The following PLXDC2 variants were observed in gnomAD, a reference collection of about 807,000 sequenced individuals.
The protein encoded by PLXDC2 is plexin domain containing 2, also known as plexin domain-containing protein 2.
In PLXDC2, 40 loss-of-function variants were observed where a neutral mutation model predicts 68.9. The ratio of observed to expected loss-of-function variants is 0.58; its 90% confidence interval spans 0.45 to 0.76. The LOEUF (loss-of-function observed/expected upper bound fraction) is 0.76, where lower values mean the gene tolerates loss of function less well. Among genes scored for constraint, PLXDC2 ranks in the 30% least tolerant of loss-of-function variants. PLXDC2 has a pLI of 0.00. For missense variants in PLXDC2, 644 were observed against 661.9 expected (o/e 0.97, Z 0.30); for synonymous variants, 243 against 234.2 (o/e 1.04, Z -0.34).
chr10:20,137,259 A>G (rs1009901875), intron 4 of PLXDC2, among the ~76,000 whole-genome samples: 6 of 152,316 alleles, frequency 3.9e-5, no homozygotes, highest in Middle Eastern at 3.4e-3. Flanking sequence ...CAAACTTTTA[A>G]GCATTCGTCT....
chr10:20,063,526 G>C (rs1836141241), intron 3 of PLXDC2, among the ~76,000 whole-genome samples: 1 of 152,120 alleles, frequency 6.6e-6, no homozygotes, highest in South Asian at 2.1e-4. Flanking sequence ...CAATACCACT[G>C]AGAAATAGGC....
intron 3 of PLXDC2, among the ~76,000 whole-genome samples, chr10:20,063,694 A>G (rs1836144743): frequency 6.6e-6 from 1 of 152,210 alleles, no homozygotes; most frequent in Admixed American, 6.5e-5. Flanking sequence ...ACACTCAGAA[A>G]TCTAGGAGTA....
chr10:19,827,408 T>C (rs191794201), intron 1 of PLXDC2, among the ~76,000 whole-genome samples: 4 of 152,208 alleles, frequency 2.6e-5, no homozygotes, highest in African/African-American at 9.6e-5. Context: ...TGCTACAAAC[T>C]CTTGGGCTTT....
At chr10:20,054,424 G>A (rs1207152393) in intron 3 of PLXDC2, among the ~76,000 whole-genome samples, 1 of 151,966 alleles carries the variant, frequency 6.6e-6, no homozygotes, top group African/African-American at 2.4e-5. Context: ...TGGATGGACA[G>A]ATGGATGGAT....
chr10:20,230,693 C>CAAAAAAAAATAAA (rs1835350053), intron 12 of PLXDC2, among the ~76,000 whole-genome samples: 1 of 37,802 alleles, frequency 2.6e-5, no homozygotes, highest in Non-Finnish European at 5.0e-5. Flanking sequence ...GACCTTGTCT[C>CAAAAAAAAATAAA]AAAAAAAAAA....
intron 1 of PLXDC2, among the ~76,000 whole-genome samples, chr10:19,828,748 A>C (rs1275499537): frequency 6.6e-6 from 1 of 152,104 alleles, no homozygotes; most frequent in African/African-American, 2.4e-5. Context: ...GAAAATAGGC[A>C]TGGCCAATAA....
At chr10:19,929,635 C>T (rs978904220) in intron 1 of PLXDC2, among the ~76,000 whole-genome samples, 2 of 152,122 alleles carry the variant, frequency 1.3e-5, no homozygotes, top group Non-Finnish European at 2.9e-5. Flanking sequence ...TTTTTTCTCT[C>T]TTGTACAGGA....
intron 1 of PLXDC2, among the ~76,000 whole-genome samples, chr10:19,861,111 T>G (rs1363263409): frequency 6.6e-6 from 1 of 151,844 alleles, no homozygotes; most frequent in Non-Finnish European, 1.5e-5. Context: ...CTCGGCTCAC[T>G]GCAACCTCTG....
intron 12 of PLXDC2, among the ~76,000 whole-genome samples, chr10:20,219,413 C>G (rs1418824622): frequency 6.6e-6 from 1 of 152,136 alleles, no homozygotes; most frequent in African/African-American, 2.4e-5. Context: ...ATCTACACAG[C>G]TACAGGTATT....
chr10:20,278,608 G>A (rs1836039653), intron 13 of PLXDC2, among the ~76,000 whole-genome samples: 1 of 97,120 alleles, frequency 1.0e-5, no homozygotes, highest in South Asian at 3.6e-4. Flanking sequence ...TAGGCAGAAT[G>A]TAATTACCTT....
rs1404369550 is a variant in PLXDC2 at position 20,052,130 on chromosome 10, G to GA, written c.471+5123dup. On this transcript the variant is annotated intron_variant, in intron 3 of 13. Coordinates refer to ENST00000377252, the MANE Select transcript of PLXDC2 (RefSeq NM_032812.9). Reference sequence around the variant, plus strand: ...TGGTAATATTAACTAGTTTCCATTTGAAAAAAAATGCTATGTGAACTCCTT... The same window carrying GA: ...TGGTAATATTAACTAGTTTCCATTTGAAAAAAAAATGCTATGTGAACTCCTT... Among the ~76,000 whole-genome samples, 13 of 151,168 alleles carry GA rather than the reference G, an allele frequency of 8.6e-5. 1 individual carries two copies. In the South Asian group the frequency reaches 1.0e-3, roughly 12 times the overall value.
At chr10:20,148,614 A>T (rs1021054407) in intron 6 of PLXDC2, among the ~76,000 whole-genome samples, 4 of 152,198 alleles carry the variant, frequency 2.6e-5, no homozygotes, top group African/African-American at 9.6e-5. Context: ...GGCCTGTTGG[A>T]CTAAGAATAT....
At position 19,816,853 on chromosome 10, in the gene PLXDC2, A is replaced by C. The variant is rs1048812200; in HGVS notation, c.-227A>C. Reference sequence around the variant, plus strand: ...GTCGGGTGAGGGCTGCGAGTGTGGCAAGTTGCAAAGAGAGCCTCAGAGGTC... The same window carrying C: ...GTCGGGTGAGGGCTGCGAGTGTGGCCAGTTGCAAAGAGAGCCTCAGAGGTC... On this transcript the variant is annotated 5_prime_UTR_variant, in exon 1 of 14. Transcript: ENST00000377252. 7 of 571,098 alleles carry C rather than the reference A, an allele frequency of 1.2e-5. No individual in the cohort carries two copies. The highest frequency in any genetic ancestry group is 1.9e-5 in the Non-Finnish European group (6 of 321,624). The allele number at this position is 571,098 out of a possible 1,614,324, so 35.4% of individuals were successfully genotyped here.
At chr10:19,819,028 G>GGA (rs1836411556) in intron 1 of PLXDC2, among the ~76,000 whole-genome samples, 1 of 85,930 alleles carries the variant, frequency 1.2e-5, no homozygotes, top group Admixed American at 1.1e-4. Flanking sequence ...AAGAATATAT[G>GGA]TATACACACA....
chr10:20,059,242 C>T (rs575402685), intron 3 of PLXDC2, among the ~76,000 whole-genome samples: 2 of 152,176 alleles, frequency 1.3e-5, no homozygotes, highest in South Asian at 2.1e-4. Flanking sequence ...TTATAAAATC[C>T]TGTCACACTC....
chr10:19,822,080 T>G (rs1446023649), intron 1 of PLXDC2, among the ~76,000 whole-genome samples: 1 of 151,870 alleles, frequency 6.6e-6, no homozygotes, highest in East Asian at 1.9e-4. Flanking sequence ...TCATCCATGC[T>G]ATCACAAATA....
At position 19,820,669 on chromosome 10, in the gene PLXDC2, G is replaced by T. The variant is rs145859047; in HGVS notation, c.112+3478G>T. ...AAAAAAAAAAAAGAAAAGAAAATATGTGTCCTTATCAATTAGTTTTGTCAT... is the reference window on the plus strand; with the variant it reads ...AAAAAAAAAAAAGAAAAGAAAATATTTGTCCTTATCAATTAGTTTTGTCAT... On this transcript the variant is annotated intron_variant, in intron 1 of 13. Coordinates refer to ENST00000377252, the MANE Select transcript of PLXDC2 (RefSeq NM_032812.9). Among the ~76,000 whole-genome samples the T allele has an allele frequency of 6.3e-4, 95 of 151,230 alleles. 1 individual carries two copies. The highest frequency in any genetic ancestry group is 2.1e-3 in the African/African-American group (87 of 41,054).
intron 4 of PLXDC2, among the ~76,000 whole-genome samples, chr10:20,136,716 T>C (rs1366730483): frequency 6.6e-6 from 1 of 152,244 alleles, no homozygotes; most frequent in Non-Finnish European, 1.5e-5. Flanking sequence ...ATTTGCACCC[T>C]GAAGACAGCA....
chr10:20,077,328 T>C (rs1294656704), intron 4 of PLXDC2, among the ~76,000 whole-genome samples: 2 of 151,258 alleles, frequency 1.3e-5, no homozygotes, highest in Non-Finnish European at 3.0e-5. Flanking sequence ...ACCTTTATTT[T>C]CAAGATATTT....
Sources: allele counts gnomAD v4.1 joint callset (sites outside exome capture counted in the v4.1 genomes callset), GRCh38; gene constraint gnomAD v4.1.1; transcripts MANE v1.5; gene names NCBI Gene and HGNC (gene_info 2026-07-23, HGNC 2026-07-21).